The following PTPRD variants were observed in gnomAD, a reference collection of about 807,000 sequenced individuals.
The protein encoded by PTPRD is receptor-type tyrosine-protein phosphatase delta.
A neutral mutation model predicts 214.5 loss-of-function variants in PTPRD; 34 were observed. That is an observed-to-expected ratio of 0.16 (90% CI 0.12 to 0.21). PTPRD has a LOEUF of 0.21. Ranked by LOEUF, PTPRD falls within the 10% of genes least tolerant of loss-of-function variation. The pLI is 1.00. For missense variants in PTPRD, 2,545 were observed against 2,398.7 expected (o/e 1.06, Z -1.27); for synonymous variants, 1,128 against 845.7 (o/e 1.33, Z -5.79).
chr9:9,354,631 C>G (rs530854128), intron 9 of PTPRD, among the ~76,000 whole-genome samples: 44 of 151,724 alleles, frequency 2.9e-4, no homozygotes, highest in African/African-American at 9.9e-4. Flanking sequence ...AGATAATACA[C>G]AACTATAGCC....
chr9:8,862,337 C>T (rs551850867), intron 11 of PTPRD: 1 of 152,330 alleles, frequency 6.6e-6, no homozygotes, highest in East Asian at 1.9e-4. Flanking sequence ...GACTGGGCAA[C>T]AGAGCCAGAC....
At chr9:9,034,419 G>T (rs2154378984) in intron 10 of PTPRD, among the ~76,000 whole-genome samples, 1 of 152,222 alleles carries the variant, frequency 6.6e-6, no homozygotes, top group African/African-American at 2.4e-5. Context: ...TGCCTAACCT[G>T]GGTTTAAAAT....
intron 4 of PTPRD, among the ~76,000 whole-genome samples, chr9:9,951,769 C>T (rs552072642): frequency 6.6e-5 from 10 of 152,272 alleles, no homozygotes; most frequent in Non-Finnish European, 1.0e-4. Flanking sequence ...TTATACATCA[C>T]AGGAAAGGTA....
At chr9:9,372,198 A>G (rs1000283449) in intron 9 of PTPRD, among the ~76,000 whole-genome samples, 23 of 152,112 alleles carry the variant, frequency 1.5e-4, no homozygotes, top group African/African-American at 4.8e-4. Flanking sequence ...GATCTGTCTA[A>G]TGTTGACAGT....
intron 3 of PTPRD, among the ~76,000 whole-genome samples, chr9:10,073,595 C>A (rs566189491): frequency 4.6e-5 from 7 of 151,972 alleles, no homozygotes; most frequent in Non-Finnish European, 7.4e-5. Flanking sequence ...TGAAAGATGG[C>A]AGTTGGAAGA....
At chr9:9,946,017 A>G (rs144887772) in intron 4 of PTPRD, among the ~76,000 whole-genome samples, 214 of 75,284 alleles carry the variant, frequency 2.8e-3, no homozygotes, top group African/African-American at 0.017. Context: ...AAAAACTACT[A>G]TATGTTAGAA....
intron 8 of PTPRD, among the ~76,000 whole-genome samples, chr9:9,497,480 C>T (rs1269740461): frequency 6.6e-6 from 1 of 152,078 alleles, no homozygotes; most frequent in African/African-American, 2.4e-5. Context: ...TCATCCCCCT[C>T]CAACATGCAC....
intron 7 of PTPRD, among the ~76,000 whole-genome samples, chr9:9,621,327 G>A (rs868758005): frequency 3.3e-5 from 5 of 152,022 alleles, no homozygotes; most frequent in Non-Finnish European, 5.9e-5. Flanking sequence ...TTCCTGAAGG[G>A]TGCTGCTTGA....
intron 10 of PTPRD, among the ~76,000 whole-genome samples, chr9:9,103,693 C>A (rs923833559): frequency 1.3e-5 from 2 of 151,912 alleles, no homozygotes; most frequent in African/African-American, 4.8e-5. Context: ...AAAAGTGGAG[C>A]AATTTGGCTG....
chr9:10,493,425 A>G (rs1221243908), intron 2 of PTPRD, among the ~76,000 whole-genome samples: 1 of 152,146 alleles, frequency 6.6e-6, no homozygotes. Flanking sequence ...AACAGAACAG[A>G]GGCCTCAGAA....
chr9:9,618,112 T>C (rs1185423846), intron 7 of PTPRD, among the ~76,000 whole-genome samples: 1 of 126,574 alleles, frequency 7.9e-6, no homozygotes, highest in African/African-American at 2.7e-5. Flanking sequence ...AAAGATTTTG[T>C]CTTCTGGTTG....
chr9:8,802,805 GC>G (rs1316784979), intron 11 of PTPRD, among the ~76,000 whole-genome samples: 8 of 152,254 alleles, frequency 5.3e-5, no homozygotes, highest in Admixed American at 3.3e-4. Context: ...TAATCTCAGT[GC>G]TTTGGGAGGC....
intron 11 of PTPRD, among the ~76,000 whole-genome samples, chr9:8,913,894 A>G (rs1039798057): frequency 2.0e-5 from 3 of 152,132 alleles, no homozygotes; most frequent in Non-Finnish European, 4.4e-5. Flanking sequence ...CTGTTCATTT[A>G]TTTGTCTATT....
chr9:8,813,613 T>C (rs1490066823), intron 11 of PTPRD, among the ~76,000 whole-genome samples: 12 of 152,052 alleles, frequency 7.9e-5, no homozygotes, highest in Admixed American at 7.2e-4. Flanking sequence ...GCTAAAGCAA[T>C]CCTCCCGCCT....
At chr9:10,307,644 G>A (rs1250093658) in intron 3 of PTPRD, among the ~76,000 whole-genome samples, 1 of 151,850 alleles carries the variant, frequency 6.6e-6, no homozygotes, top group East Asian at 1.9e-4. Flanking sequence ...TTTCCATAAT[G>A]GATGTACTAA....
intron 14 of PTPRD, among the ~76,000 whole-genome samples, chr9:8,544,889 CTTTTTTTTTTT>C (rs869280997): frequency 5.1e-5 from 6 of 118,728 alleles, no homozygotes; most frequent in Non-Finnish European, 1.0e-4. Context: ...AAAGACAGTC[CTTTTTTTTTTT>C]TTTTTTTTTT....
At chr9:10,488,854 G>C (rs1008258977) in intron 2 of PTPRD, among the ~76,000 whole-genome samples, 4 of 152,134 alleles carry the variant, frequency 2.6e-5, no homozygotes, top group Admixed American at 6.5e-5. Context: ...TTTCAGGGCA[G>C]TGGGCTCCCC....
At chr9:10,570,081 C>A (rs1566986654) in intron 2 of PTPRD, among the ~76,000 whole-genome samples, 1 of 151,952 alleles carries the variant, frequency 6.6e-6, no homozygotes, top group East Asian at 1.9e-4. Context: ...AACTTATATT[C>A]TTGGATTTTC....
At chr9:8,331,497 TAAGCAAAC>T in intron 44 of PTPRD, 77 bp downstream of exon 44, 1 of 1,478,250 alleles carries the variant, frequency 6.8e-7, no homozygotes, top group Non-Finnish European at 9.1e-7. Context: ...AAATTTCAAA[TAAGCAAAC>T]TTACTACAAA....
Sources: gnomAD v4.1 joint callset for allele counts (sites outside exome capture counted in the v4.1 genomes callset) on GRCh38, gnomAD v4.1.1 for gene constraint, MANE v1.5 for transcripts, NCBI Gene and HGNC (gene_info 2026-07-23, HGNC 2026-07-21) for gene names.